Variants in FAM171A1 observed in about 807,000 individuals in gnomAD.
The protein encoded by FAM171A1 is family with sequence similarity 171 member A1.
In FAM171A1, 23 loss-of-function variants were observed where a neutral mutation model predicts 74.9. The observed-to-expected ratio is 0.31, with a 90% CI of 0.22 to 0.44. The LOEUF (loss-of-function observed/expected upper bound fraction) is 0.44, where lower values mean the gene tolerates loss of function less well. FAM171A1 is among the 20% of genes least tolerant of loss of function. The pLI, the probability that FAM171A1 is intolerant of heterozygous loss-of-function variation, is 1.00. For missense variants in FAM171A1, 1,162 were observed against 1,159.2 expected (o/e 1.00, Z -0.03); for synonymous variants, 527 against 505.7 (o/e 1.04, Z -0.57).
intron 3 of FAM171A1, among the ~76,000 whole-genome samples, chr10:15,258,901 G>A (rs958564907): frequency 7.9e-5 from 12 of 152,206 alleles, no homozygotes; most frequent in South Asian, 4.2e-4. Flanking sequence ...TGCTCTGCTC[G>A]CTCCCTGTGG....
At chr10:15,302,105 CTA>C (rs1388972920) in intron 1 of FAM171A1, among the ~76,000 whole-genome samples, 7 of 152,166 alleles carry the variant, frequency 4.6e-5, no homozygotes, top group Admixed American at 4.6e-4. Flanking sequence ...TAAATTCTAA[CTA>C]TTCCTGCTCT....
Position 15,213,647 on chromosome 10 carries a change from G to A in FAM171A1, c.1941C>T (p.His647=), listed in dbSNP as rs1833924692. ...PLSSQAISQQ[H]LQDAGTREWS... Reference sequence around the variant, plus strand: ...ACTCCCGGGTGCCCGCATCCTGCAGGTGCTGCTGAGAGATGGCCTGGGAAG... The same window carrying A: ...ACTCCCGGGTGCCCGCATCCTGCAGATGCTGCTGAGAGATGGCCTGGGAAG... The change falls in exon 8 of 8, where the codon CAC becomes CAT. Residue 647 remains histidine (H), a synonymous_variant. Transcript: ENST00000378116. The surrounding 1 kb of genome is among the most constrained non-coding windows in gnomAD (Gnocchi z 6.8). The A allele has an allele frequency of 6.2e-7, 1 of 1,614,126 alleles. No homozygotes were observed. Among genetic ancestry groups the A allele is most frequent in the East Asian group, 2.2e-5 (1 of 44,862 alleles).
At chr10:15,295,978 G>T (rs1200209036) in intron 1 of FAM171A1, among the ~76,000 whole-genome samples, 1 of 152,170 alleles carries the variant, frequency 6.6e-6, no homozygotes, top group East Asian at 1.9e-4. Flanking sequence ...AATGTTACCT[G>T]ACCTTTGCTC....
chr10:15,368,747 T>C (rs1342719842), intron 1 of FAM171A1, among the ~76,000 whole-genome samples: 1 of 152,208 alleles, frequency 6.6e-6, no homozygotes. Context: ...GTCTTCATCG[T>C]GTACATGATC....
intron 2 of FAM171A1, among the ~76,000 whole-genome samples, chr10:15,278,589 G>A (rs1284097402): frequency 6.6e-6 from 1 of 152,190 alleles, no homozygotes; most frequent in Non-Finnish European, 1.5e-5. Context: ...AGGTGCTACT[G>A]ACATGTGCTA....
intron 5 of FAM171A1, among the ~76,000 whole-genome samples, chr10:15,243,834 C>T (rs75018464): frequency 0.16 from 23,622 of 151,712 alleles, 2,211 homozygotes; most frequent in African/African-American, 0.27. Context: ...GCAAGCTCTG[C>T]CTCCCGGGTT....
intron 1 of FAM171A1, among the ~76,000 whole-genome samples, chr10:15,346,802 A>G (rs552316643): frequency 2.3e-4 from 35 of 152,374 alleles, no homozygotes; most frequent in African/African-American, 6.5e-4. Flanking sequence ...ATAGCCATTT[A>G]AGTGATCCTC....
chr10:15,266,291 C>A (rs1402578165), intron 3 of FAM171A1, among the ~76,000 whole-genome samples: 2 of 152,200 alleles, frequency 1.3e-5, no homozygotes, highest in Non-Finnish European at 2.9e-5. Context: ...TGCGGCCACA[C>A]TATGGACTGG....
rs751848939 is a variant in FAM171A1 at position 15,248,697 on chromosome 10, C to A, written c.696G>T (p.Thr232=). The change falls in exon 5 of 8, where the codon ACG becomes ACT. Residue 232 remains threonine, a synonymous_variant. Transcript: ENST00000378116. ...AGGCATTGTGCCTCAGGCTGCTCTG[C>A]GTGGCCAGGGGCACAGTGACATAGA... ...GPIYVTVPLA[T]QSSLRHNAYV... 8 of 1,612,992 alleles carry A rather than the reference C, an allele frequency of 5.0e-6. No homozygotes were observed. The highest frequency in any genetic ancestry group is 2.2e-5 in the East Asian group (1 of 44,814).
In FAM171A1 at chr10:15,339,364, G is replaced by A. The variant is rs545916116; in HGVS notation, c.97+31592C>T. The stretch of plus-strand genomic sequence containing the variant: ...TGTTCCAGGGTCCTTTCTGAGTACC[G>A]CATCACATTTAGTCATTACAGCGCC... On this transcript the variant is annotated intron_variant, in intron 1 of 7. Coordinates refer to ENST00000378116, the MANE Select transcript of FAM171A1 (RefSeq NM_001010924.2). Among the ~76,000 whole-genome samples, 213 of 152,134 alleles carry A rather than the reference G, an allele frequency of 1.4e-3. 6 individuals carry two copies. In the South Asian group the frequency reaches 0.037, roughly 27 times the overall value.
intron 4 of FAM171A1, among the ~76,000 whole-genome samples, chr10:15,252,659 G>C (rs942840090): frequency 3.3e-5 from 5 of 152,156 alleles, no homozygotes; most frequent in African/African-American, 9.7e-5. Flanking sequence ...GGATGCCTTC[G>C]CTGCTAGGTC....
intron 6 of FAM171A1, among the ~76,000 whole-genome samples, chr10:15,216,422 A>G (rs927892892): frequency 1.3e-5 from 2 of 151,960 alleles, no homozygotes; most frequent in Non-Finnish European, 2.9e-5. Context: ...TTTGAAATAC[A>G]TGATCTTTTT....
At chr10:15,251,331 T>C (rs1337001507) in intron 4 of FAM171A1, among the ~76,000 whole-genome samples, 2 of 152,158 alleles carry the variant, frequency 1.3e-5, no homozygotes, top group Non-Finnish European at 2.9e-5. Context: ...CAGGGCTTCA[T>C]TAAATGCCTG....
chr10:15,368,477 G>A (rs892382664), intron 1 of FAM171A1, among the ~76,000 whole-genome samples: 24 of 152,194 alleles, frequency 1.6e-4, no homozygotes, highest in Admixed American at 1.4e-3. Flanking sequence ...ATATGTATGT[G>A]CAATGCTTGT....
chr10:15,253,347 A>C (rs2131765893), intron 4 of FAM171A1, among the ~76,000 whole-genome samples: 2 of 152,298 alleles, frequency 1.3e-5, no homozygotes, highest in Non-Finnish European at 2.9e-5. Context: ...CTTTTCTCCC[A>C]GACCGGCACA....
chr10:15,227,555 G>A (rs1047416035), intron 5 of FAM171A1, among the ~76,000 whole-genome samples: 1 of 151,802 alleles, frequency 6.6e-6, no homozygotes, highest in African/African-American at 2.4e-5. Flanking sequence ...ACTAACTTTG[G>A]TATTTTTTGT....
At chr10:15,247,315 G>C (rs1241810792) in intron 5 of FAM171A1, among the ~76,000 whole-genome samples, 4 of 152,114 alleles carry the variant, frequency 2.6e-5, no homozygotes, top group African/African-American at 9.7e-5. Flanking sequence ...TGCCTAGGAG[G>C]TGCAGTGGCT....
At chr10:15,359,195 A>G (rs1467680580) in intron 1 of FAM171A1, among the ~76,000 whole-genome samples, 5 of 152,192 alleles carry the variant, frequency 3.3e-5, no homozygotes, top group Non-Finnish European at 7.3e-5. Context: ...TCAATTTAAC[A>G]TTAAGTAGAG....
chr10:15,299,497 G>GTTT (rs45525237), intron 1 of FAM171A1, among the ~76,000 whole-genome samples: 28 of 150,500 alleles, frequency 1.9e-4, no homozygotes, highest in East Asian at 9.8e-4. Flanking sequence ...TGTTTTTTTT[G>GTTT]TTTTTTTGTC....
Sources: gnomAD v4.1 joint callset for allele counts (sites outside exome capture counted in the v4.1 genomes callset) on GRCh38, gnomAD v4.1.1 for gene constraint, Gnocchi (gnomAD v3.1) non-coding constraint, MANE v1.5 for transcripts, NCBI Gene and HGNC (gene_info 2026-07-23, HGNC 2026-07-21) for gene names.